MARCHF8: variants seen among roughly 807,000 people sequenced by gnomAD.
The protein encoded by MARCHF8 is membrane associated ring-CH-type finger 8.
A neutral mutation model predicts 51.6 loss-of-function variants in MARCHF8; 40 were observed. That is an observed-to-expected ratio of 0.77 (90% confidence interval 0.60 to 1.01). MARCHF8 has a LOEUF of 1.01. Among genes scored for constraint, MARCHF8 ranks in the 50% least tolerant of loss-of-function variants. The pLI, the probability that MARCHF8 is intolerant of heterozygous loss-of-function variation, is 0.00. For synonymous variants in MARCHF8, 263 were observed against 280.3 expected, an observed-to-expected ratio of 0.94 and a Z score of 0.62; for missense variants, 685 against 708.6, an observed-to-expected ratio of 0.97 and a Z score of 0.38.
intron 3 of MARCHF8, among the ~76,000 whole-genome samples, chr10:45,477,773 C>T (rs545771155): frequency 6.6e-6 from 1 of 152,168 alleles, no homozygotes; most frequent in South Asian, 2.1e-4. Flanking sequence ...CTAGCTATAC[C>T]TATATCAGAT....
At chr10:45,468,339 C>G (rs957121771) in intron 3 of MARCHF8, among the ~76,000 whole-genome samples, 3 of 152,224 alleles carry the variant, frequency 2.0e-5, no homozygotes, top group Non-Finnish European at 4.4e-5. Flanking sequence ...TGCACACATC[C>G]TTCTCACTGC....
At chr10:45,461,088 A>T in intron 6 of MARCHF8, 143 bp downstream of exon 6, 1 of 501,090 alleles carries the variant, frequency 2.0e-6, no homozygotes, top group Non-Finnish European at 3.3e-6. Flanking sequence ...AGAAACAACA[A>T]TCTCTACAAT....
Position 45,459,104 on chromosome 10 carries a change from C to G in MARCHF8, c.1417+16G>C, listed in dbSNP as rs1190372750. On this transcript the variant is annotated intron_variant, in intron 7 of 7. Transcript: ENST00000453424. Reference sequence around the variant, plus strand: ...CCCGGCCCCCATGCTGAGCTTGCTCCAGCCTGAGAACTCACCTGTTGCCTG... The same window carrying G: ...CCCGGCCCCCATGCTGAGCTTGCTCGAGCCTGAGAACTCACCTGTTGCCTG... 6.2e-7 allele frequency: 1 copy of G among 1,613,754 alleles called. No individual in the cohort carries two copies.
At chr10:45,461,181 T>C in intron 6 of MARCHF8, 50 bp downstream of exon 6, 1 of 1,364,208 alleles carries the variant, frequency 7.3e-7, no homozygotes, top group Non-Finnish European at 9.7e-7. Context: ...ACCAGCTTTC[T>C]GGGGGTCACT....
In MARCHF8 at chr10:45,520,727, G is replaced by A. The variant is rs1271698961; in HGVS notation, c.102+12383C>T. 2.0e-5 allele frequency among the ~76,000 whole-genome samples: 3 copies of A among 152,150 alleles called. No individual in the cohort carries two copies. In the South Asian group the frequency reaches 6.2e-4, roughly 32 times the overall value. On this transcript the variant is annotated intron_variant, in intron 2 of 7. Coordinates refer to ENST00000453424, the MANE Select transcript of MARCHF8 (RefSeq NM_001282866.2). ...TACCAATGTGAGATTAAAACCTGCT[G>A]CAATTACTGTACTTCTAAAAACAAA...
intron 1 of MARCHF8, among the ~76,000 whole-genome samples, chr10:45,589,530 A>C (rs999013261): frequency 6.6e-6 from 1 of 152,224 alleles, no homozygotes; most frequent in Non-Finnish European, 1.5e-5. Context: ...CCCCAAAAAG[A>C]AACCTAGTCC....
At chr10:45,564,046 C>G (rs2044338493) in intron 1 of MARCHF8, among the ~76,000 whole-genome samples, 4 of 152,278 alleles carry the variant, frequency 2.6e-5, no homozygotes, top group Non-Finnish European at 5.9e-5. Context: ...GAGGCCGTGG[C>G]AGGTGGATCA....
At position 45,455,211 on chromosome 10, in the gene MARCHF8, G is replaced by A. The variant is rs1040304268; in HGVS notation, c.*3028C>T. The A allele has an allele frequency of 1.3e-5, 2 of 152,260 alleles. No homozygotes were observed. The highest frequency in any genetic ancestry group is 4.8e-5 in the African/African-American group (2 of 41,442). 9.4% of individuals were successfully genotyped at this position (152,260 alleles called of 1,614,324 possible). On this transcript the variant is annotated 3_prime_UTR_variant, in exon 8 of 8. Transcript: ENST00000453424. ...ACACATGTGCAGGTTTGAAAACTAG[G>A]CCTACAAGACTGAAGAGTGGACTGA...
intron 2 of MARCHF8, among the ~76,000 whole-genome samples, chr10:45,494,040 AAATC>A (rs2043130210): frequency 6.6e-6 from 1 of 152,260 alleles, no homozygotes; most frequent in Non-Finnish European, 1.5e-5. Context: ...GAGTTAATAC[AAATC>A]AATCAATCAG....
At chr10:45,512,268 G>A (rs1256602733) in intron 2 of MARCHF8, among the ~76,000 whole-genome samples, 2 of 151,242 alleles carry the variant, frequency 1.3e-5, no homozygotes, top group African/African-American at 4.9e-5. Context: ...TGAGAAGTGA[G>A]GAGCCCCTAC....
intron 2 of MARCHF8, among the ~76,000 whole-genome samples, chr10:45,502,237 G>A (rs1259822324): frequency 3.3e-5 from 5 of 152,110 alleles, no homozygotes; most frequent in East Asian, 1.9e-4. Context: ...ACTGTGGTCC[G>A]TGCATAACAT....
At chr10:45,485,911 G>A (rs1019648159) in intron 3 of MARCHF8, among the ~76,000 whole-genome samples, 2 of 152,094 alleles carry the variant, frequency 1.3e-5, no homozygotes, top group African/African-American at 2.4e-5. Flanking sequence ...CTGAAGATAC[G>A]ATTTTACATG....
chr10:45,543,925 C>T (rs1399286704), intron 1 of MARCHF8, among the ~76,000 whole-genome samples: 2 of 151,278 alleles, frequency 1.3e-5, no homozygotes, highest in African/African-American at 4.9e-5. Context: ...TATATGAGAG[C>T]CAGGCTCTCA....
chr10:45,582,669 C>G (rs1451687681), intron 1 of MARCHF8, among the ~76,000 whole-genome samples: 1 of 152,138 alleles, frequency 6.6e-6, no homozygotes, highest in Non-Finnish European at 1.5e-5. Flanking sequence ...CTAACTCTTT[C>G]GCCCCTCAGA....
Position 45,547,499 on chromosome 10 carries a change from G to A in MARCHF8, c.-78-14210C>T, listed in dbSNP as rs1313481614. Among the ~76,000 whole-genome samples, 3 of 152,244 alleles carry A rather than the reference G, an allele frequency of 2.0e-5. No individual in the cohort carries two copies. In the East Asian group the frequency reaches 5.8e-4, roughly 29 times the overall value. On this transcript the variant is annotated intron_variant, in intron 1 of 6. Coordinates refer to the MARCHF8 transcript ENST00000319836. Reference sequence around the variant, plus strand: ...GACCATAATTATCCCTGACTAAGCGGGGATTCCAAGGTGCCAATTTCAGAG... The same window carrying A: ...GACCATAATTATCCCTGACTAAGCGAGGATTCCAAGGTGCCAATTTCAGAG...
At chr10:45,499,766 G>A (rs1410291856) in intron 2 of MARCHF8, among the ~76,000 whole-genome samples, 1 of 152,004 alleles carries the variant, frequency 6.6e-6, no homozygotes, top group Admixed American at 6.6e-5. Context: ...TTATTTCTGG[G>A]ACTCTCTATT....
chr10:45,551,481 C>T lies in MARCHF8; in HGVS notation c.-78-18192G>A, dbSNP rs145393345. Among the ~76,000 whole-genome samples the T allele has an allele frequency of 4.2e-4, 64 of 152,214 alleles. No individual in the cohort carries two copies. The East Asian group carries it at 0.012, about 28-fold the overall frequency. ...TTAACTCCTAGGCTCAAGTGATCCTCTTGCCTCAGCCTCCCAAGTATCTGG... is the reference window on the plus strand; with the variant it reads ...TTAACTCCTAGGCTCAAGTGATCCTTTTGCCTCAGCCTCCCAAGTATCTGG... On this transcript the variant is annotated intron_variant, in intron 1 of 6. Coordinates refer to the MARCHF8 transcript ENST00000319836.
At chr10:45,522,110 CTT>C (rs1156601927) in intron 2 of MARCHF8, among the ~76,000 whole-genome samples, 1 of 152,082 alleles carries the variant, frequency 6.6e-6, no homozygotes, top group Non-Finnish European at 1.5e-5. Context: ...TGATAAACAA[CTT>C]TTTAAAGTCA....
chr10:45,553,808 T>C (rs2044222164), intron 1 of MARCHF8, among the ~76,000 whole-genome samples: 1 of 150,504 alleles, frequency 6.6e-6, no homozygotes, highest in Admixed American at 6.6e-5. Flanking sequence ...GCAGAAACTA[T>C]ACGTGTGTGC....
Sources: gnomAD v4.1 joint callset for allele counts (sites outside exome capture counted in the v4.1 genomes callset) on GRCh38, gnomAD v4.1.1 for gene constraint, MANE v1.5 for transcripts, NCBI Gene and HGNC (gene_info 2026-07-23, HGNC 2026-07-21) for gene names.